The following IFT140 variants were observed in gnomAD, a reference collection of about 807,000 sequenced individuals.
IFT140 encodes the protein intraflagellar transport 140.
IFT140 carries 133 observed loss-of-function variants against 164.6 expected under a neutral mutation model. The ratio of observed to expected loss-of-function variants is 0.81; its 90% CI spans 0.70 to 0.93. The LOEUF (loss-of-function observed/expected upper bound fraction) is 0.93, where lower values mean the gene tolerates loss of function less well. Ranked by LOEUF, IFT140 falls within the 40% of genes least tolerant of loss-of-function variation. IFT140 has a pLI of 0.00. For missense variants in IFT140, 2,045 were observed against 1,972.3 expected, an observed-to-expected ratio of 1.04 and a Z score of -0.70; for synonymous variants, 860 against 817.3, an observed-to-expected ratio of 1.05 and a Z score of -0.89.
At chr16:1,593,372 T>C (rs959505804) in intron 4 of IFT140, among the ~76,000 whole-genome samples, 3 of 151,552 alleles carry the variant, frequency 2.0e-5, no homozygotes, top group African/African-American at 7.3e-5. Flanking sequence ...AGTTCAGTGG[T>C]GTGGTCTCGG....
At chr16:1,590,095 G>C (rs2035096602) in intron 6 of IFT140, among the ~76,000 whole-genome samples, 1 of 151,516 alleles carries the variant, frequency 6.6e-6, no homozygotes, top group Admixed American at 6.6e-5. Flanking sequence ...CATCTACTTG[G>C]GAGACCTAGG....
At chr16:1,571,924 A>T (rs1409434904) in intron 13 of IFT140, among the ~76,000 whole-genome samples, 1 of 152,140 alleles carries the variant, frequency 6.6e-6, no homozygotes, top group African/African-American at 2.4e-5. Context: ...AATTCCATCC[A>T]CTGGGGAGCT....
intron 19 of IFT140, chr16:1,532,143 C>T (rs1384049938): frequency 6.6e-6 from 1 of 152,276 alleles, no homozygotes; most frequent in Non-Finnish European, 1.5e-5. Flanking sequence ...GGGGACATCC[C>T]CCCAGGGCCT....
At chr16:1,540,446 C>T (rs566219607) in intron 19 of IFT140, among the ~76,000 whole-genome samples, 1 of 152,358 alleles carries the variant, frequency 6.6e-6, no homozygotes, top group South Asian at 2.1e-4. Context: ...CGACAGCTTC[C>T]CCTGCTGGGC....
At position 1,524,703 on chromosome 16, in the gene IFT140, G is replaced by A. The variant is rs1311864723; in HGVS notation, c.2998-8C>T. 3 of 1,575,730 alleles carry A rather than the reference G, an allele frequency of 1.9e-6. No individual in the cohort carries two copies. Among genetic ancestry groups the A allele is most frequent in the Non-Finnish European group, 1.7e-6 (2 of 1,154,332 alleles). On this transcript the variant is annotated splice_region_variant and splice_polypyrimidine_tract_variant and intron_variant, in intron 23 of 30. Transcript: ENST00000426508. Reference sequence around the variant, plus strand: ...GTTGGCTATTTGCGCAGCCTAGAAAGACAAAGAACCCAAAGACGAGACACG... The same window carrying A: ...GTTGGCTATTTGCGCAGCCTAGAAAAACAAAGAACCCAAAGACGAGACACG...
intron 15 of IFT140, among the ~76,000 whole-genome samples, chr16:1,567,206 G>A (rs1410933834): frequency 6.6e-6 from 1 of 152,150 alleles, no homozygotes; most frequent in Non-Finnish European, 1.5e-5. Context: ...GCTGCCACGG[G>A]GACCAAGTAG....
At chr16:1,540,546 A>G (rs1373678381) in intron 19 of IFT140, among the ~76,000 whole-genome samples, 1 of 152,184 alleles carries the variant, frequency 6.6e-6, no homozygotes, top group Non-Finnish European at 1.5e-5. Flanking sequence ...CAGTCACCCT[A>G]GAGGCCAGCA....
chr16:1,525,825 G>C, intron 21 of IFT140, 62 bp downstream of exon 21: 4 of 1,426,758 alleles, frequency 2.8e-6, no homozygotes, highest in Non-Finnish European at 3.7e-6. Flanking sequence ...GCACACACAA[G>C]AGGCCTCACA....
At chr16:1,521,056 T>G (rs911989017) in intron 26 of IFT140, among the ~76,000 whole-genome samples, 1 of 152,238 alleles carries the variant, frequency 6.6e-6, no homozygotes, top group East Asian at 1.9e-4. Flanking sequence ...AAGTGATATA[T>G]GCTCAAGAGA....
rs140231681 is a variant in IFT140 at position 1,548,215 on chromosome 16, G to A, written c.2399+9720C>T. Among the ~76,000 whole-genome samples, 912 of 152,336 alleles carry A rather than the reference G, an allele frequency of 6.0e-3. 7 individuals carry two copies. Among genetic ancestry groups the A allele is most frequent in the Middle Eastern group, 0.034 (10 of 294 alleles). On this transcript the variant is annotated intron_variant, in intron 19 of 30. Coordinates refer to ENST00000426508, the MANE Select transcript of IFT140 (RefSeq NM_014714.4). ...AGGTGGCCAGGGGGCCGTCTGCTCCGCATAGATTCTCTTTAGAGCCAGTTG... is the reference window on the plus strand; with the variant it reads ...AGGTGGCCAGGGGGCCGTCTGCTCCACATAGATTCTCTTTAGAGCCAGTTG...
At position 1,525,252 on chromosome 16, in the gene IFT140, T is replaced by G; in HGVS notation, c.2843A>C (p.Tyr948Ser). 6.2e-7 allele frequency: 1 copy of G among 1,612,364 alleles called. No homozygotes were observed. Among genetic ancestry groups the G allele is most frequent in the Non-Finnish European group, 8.5e-7 (1 of 1,179,468 alleles). Residue 948 changes from tyrosine to serine, a missense_variant, in exon 22 of 31, where the codon TAC becomes TCC. Transcript: ENST00000426508. Reference sequence around the variant, plus strand: ...TCACTTATCCTTCATTTTATTCACGTAGAGCTCCAGGGACGGCAGGTCCTC... The same window carrying G: ...TCACTTATCCTTCATTTTATTCACGGAGAGCTCCAGGGACGGCAGGTCCTC... ...LSEDLPSLEL[Y>S]VNKMKDKTLW...
At chr16:1,527,927 C>A (rs2029894574) in intron 19 of IFT140, among the ~76,000 whole-genome samples, 1 of 152,200 alleles carries the variant, frequency 6.6e-6, no homozygotes, top group South Asian at 2.1e-4. Context: ...CTGATCCAGG[C>A]AGGACCAGAA....
intron 19 of IFT140, among the ~76,000 whole-genome samples, chr16:1,541,742 G>T (rs2031659661): frequency 6.6e-6 from 1 of 152,152 alleles, no homozygotes; most frequent in South Asian, 2.1e-4. Flanking sequence ...GGGACCCAGG[G>T]CTTGCAGGCA....
At chr16:1,566,094 G>A (rs888661145) in intron 16 of IFT140, 67 bp downstream of exon 16, 78 of 1,550,398 alleles carry the variant, frequency 5.0e-5, no homozygotes, top group Non-Finnish European at 6.3e-5. Flanking sequence ...GCAACAACCC[G>A]CCCAGAAGCC....
Position 1,531,069 on chromosome 16 carries a change from C to T in IFT140, c.2400-4273G>A, listed in dbSNP as rs1005774595. 6 of 152,462 alleles carry T rather than the reference C, an allele frequency of 3.9e-5. No individual in the cohort carries two copies. The highest frequency in any genetic ancestry group is 7.2e-5 in the African/African-American group (3 of 41,474). 9.4% of individuals were successfully genotyped at this position (152,462 alleles called of 1,614,324 possible). ...CTCCTGCTCGAGGGCACCAGCCCCG[C>T]GTGATTCCCACATCCTCTCCGCGAC... On this transcript the variant is annotated intron_variant, in intron 19 of 30. Coordinates refer to ENST00000426508, the MANE Select transcript of IFT140 (RefSeq NM_014714.4). The surrounding 1 kb of genome is among the most constrained non-coding windows in gnomAD (Gnocchi z 4.7).
At chr16:1,595,175 C>G (rs1472388134) in intron 4 of IFT140, among the ~76,000 whole-genome samples, 6 of 152,192 alleles carry the variant, frequency 3.9e-5, no homozygotes, top group Non-Finnish European at 7.3e-5. Flanking sequence ...GTCCCAGCTA[C>G]TCGGGAGGCT....
chr16:1,586,171 G>A lies in IFT140; in HGVS notation c.1114C>T (p.Gln372Ter). ...GAEGKDRWAL[Q>*]TPTELQGNIT... The stretch of plus-strand genomic sequence containing the variant: ...TTTCCTTGGAGCTCGGTAGGGGTCT[G>A]AAGGGCCCACCTGTCCTTGCCCTCT... Residue 372 changes from glutamine to a stop codon, truncating the protein, a stop_gained, in exon 10 of 31, where the codon CAG becomes TAG. Transcript: ENST00000426508. LOFTEE classifies it high-confidence loss of function. The A allele has an allele frequency of 6.2e-7, 1 of 1,613,968 alleles. No individual in the cohort carries two copies. The highest frequency in any genetic ancestry group is 8.5e-7 in the Non-Finnish European group (1 of 1,180,026).
At chr16:1,563,212 C>T (rs1038709788) in intron 17 of IFT140, among the ~76,000 whole-genome samples, 2 of 152,052 alleles carry the variant, frequency 1.3e-5, no homozygotes, top group African/African-American at 4.8e-5. Context: ...GAGATGCCAC[C>T]TGGACGTGTC....
At chr16:1,578,849 C>T (rs557604298) in intron 13 of IFT140, among the ~76,000 whole-genome samples, 5 of 152,318 alleles carry the variant, frequency 3.3e-5, no homozygotes, top group Non-Finnish European at 5.9e-5. Context: ...GTAGCTGGCA[C>T]TATAGGCGTG....
Sources: gnomAD v4.1 joint callset for allele counts (sites outside exome capture counted in the v4.1 genomes callset) on GRCh38, gnomAD v4.1.1 for gene constraint, Gnocchi (gnomAD v3.1) non-coding constraint, MANE v1.5 for transcripts, NCBI Gene and HGNC (gene_info 2026-07-23, HGNC 2026-07-21) for gene names.